DIP2A: variants seen among roughly 807,000 people sequenced by gnomAD.
DIP2A encodes the protein DIP2 acetate--CoA ligase A.
DIP2A carries 85 observed loss-of-function variants against 177.4 expected under a neutral mutation model. The ratio of observed to expected loss-of-function variants is 0.48; its 90% confidence interval spans 0.40 to 0.57. The LOEUF is 0.57. Ranked by LOEUF, DIP2A falls within the 20% of genes least tolerant of loss-of-function variation. The pLI is 0.00. For synonymous variants in DIP2A, 886 were observed against 881.8 expected, an observed-to-expected ratio of 1.00 and a Z score of -0.08; for missense variants, 1,791 against 2,100.2, an observed-to-expected ratio of 0.85 and a Z score of 2.88.
chr21:46,499,379 G>T (rs184580782), intron 5 of DIP2A, among the ~76,000 whole-genome samples: 1 of 152,264 alleles, frequency 6.6e-6, no homozygotes, highest in East Asian at 1.9e-4. Flanking sequence ...CATACCTGCT[G>T]GTGGCTGTGA....
At chr21:46,531,145 G>T (rs549807859) in intron 9 of DIP2A, among the ~76,000 whole-genome samples, 1 of 152,084 alleles carries the variant, frequency 6.6e-6, no homozygotes, top group Non-Finnish European at 1.5e-5. Context: ...AGTCCAGGGG[G>T]GGCAGCAGAG....
rs754737833 is a variant in DIP2A at position 46,509,364 on chromosome 21, G to T, written c.892G>T (p.Glu298Ter). The T allele has an allele frequency of 6.2e-7, 1 of 1,611,342 alleles. No individual in the cohort carries two copies. Among genetic ancestry groups the T allele is most frequent in the Admixed American group, 1.7e-5 (1 of 59,346 alleles). Residue 298 changes from glutamate (E) to a stop codon, truncating the protein, a stop_gained, in exon 7 of 38, where the codon GAA becomes TAA. Coordinates refer to ENST00000417564, the MANE Select transcript of DIP2A (RefSeq NM_015151.4). LOFTEE classifies it high-confidence loss of function. ...LKEFFVDDFE[E>*]LLEVQQPDPN... ...GGAGTTCTTTGTGGATGATTTTGAG[G>T]AATTGTTGGAAGGTAAGAGTTGTCC... is the stretch of plus-strand genomic sequence containing the variant.
intron 9 of DIP2A, 36 bp downstream of exon 9, chr21:46,529,219 A>G (rs2059251441): frequency 8.1e-7 from 1 of 1,236,374 alleles, no homozygotes. Flanking sequence ...TGGAAGGAGC[A>G]AAAGCAGGGA....
At chr21:46,558,606 AAC>A (rs2060556879) in intron 32 of DIP2A, 2 of 596,490 alleles carry the variant, frequency 3.4e-6, no homozygotes, top group Admixed American at 3.0e-5. Flanking sequence ...TTGGAAAAAA[AAC>A]ACATTGTTTT....
At position 46,555,583 on chromosome 21, in the gene DIP2A, A is replaced by C. The variant is rs891126092; in HGVS notation, c.3389-399A>C. ...TCATGGGGCCACGAGAACTTGATGA[A>C]GCACGCAGAACCCAGAGCCCGTCCA... is the stretch of plus-strand genomic sequence containing the variant. On this transcript the variant is annotated intron_variant, in intron 28 of 37. Coordinates refer to ENST00000417564, the MANE Select transcript of DIP2A (RefSeq NM_015151.4). The C allele has an allele frequency of 9.9e-5, 21 of 211,092 alleles. 1 individual carries two copies. The East Asian group carries it at 1.3e-3, about 13-fold the overall frequency. The allele number at this position is 211,092 out of a possible 1,614,324, so 13.1% of individuals were successfully genotyped here. A position where few individuals can be genotyped will look rare whatever the true frequency, so the allele number is the denominator to read the frequency against.
chr21:46,506,588 A>C (rs2057995462), intron 6 of DIP2A, among the ~76,000 whole-genome samples: 1 of 152,142 alleles, frequency 6.6e-6, no homozygotes, highest in African/African-American at 2.4e-5. Flanking sequence ...ATCTCATTAC[A>C]GTTTCAATTT....
chr21:46,522,092 C>T (rs1472662351), intron 8 of DIP2A, among the ~76,000 whole-genome samples: 1 of 152,130 alleles, frequency 6.6e-6, no homozygotes, highest in Non-Finnish European at 1.5e-5. Flanking sequence ...AGACCAAATG[C>T]CTAAATTTTT....
chr21:46,563,899 C>T lies in DIP2A; in HGVS notation c.4131C>T (p.Thr1377=). The T allele has an allele frequency of 6.2e-7, 1 of 1,613,782 alleles. No individual in the cohort carries two copies. Among genetic ancestry groups the T allele is most frequent in the East Asian group, 2.2e-5 (1 of 44,878 alleles). The part of the protein sequence containing the change: ...GVKVIIAHTE[T]KGPLGDSHLG... ...AGGTCATCATCGCACACACCGAGAC[C>T]AAAGGACCCTTGGGAGACTCACACC... The change falls in exon 35 of 38, where the codon ACC becomes ACT. Residue 1377 remains threonine (T), a synonymous_variant. Coordinates refer to ENST00000417564, the MANE Select transcript of DIP2A (RefSeq NM_015151.4). The surrounding 1 kb of genome is among the most constrained non-coding windows in gnomAD (Gnocchi z 4.3).
At chr21:46,482,202 C>A (rs1459168320) in intron 1 of DIP2A, among the ~76,000 whole-genome samples, 1 of 152,252 alleles carries the variant, frequency 6.6e-6, no homozygotes, top group Non-Finnish European at 1.5e-5. Flanking sequence ...TCTCTATAGA[C>A]TGCACAGACA....
chr21:46,525,270 G>C (rs569816219), intron 8 of DIP2A, among the ~76,000 whole-genome samples: 1 of 152,266 alleles, frequency 6.6e-6, no homozygotes, highest in East Asian at 1.9e-4. Flanking sequence ...GGAAAATGCT[G>C]TTGTTTTACT....
Position 46,534,055 on chromosome 21 carries a change from C to A in DIP2A, c.1481C>A (p.Pro494His). 6.2e-7 allele frequency: 1 copy of A among 1,613,820 alleles called. No homozygotes were observed. The highest frequency in any genetic ancestry group is 1.1e-5 in the South Asian group (1 of 91,058). Residue 494 changes from proline to histidine, a missense_variant, in exon 12 of 38, where the codon CCC becomes CAC. Pro to His is a moderately conservative substitution (Grantham distance 77). Coordinates refer to ENST00000417564, the MANE Select transcript of DIP2A (RefSeq NM_015151.4). ...ATTGATGGGAAGCATCTAGCCAAGC[C>A]CCCAAAGGACTGGCACCCTCTGGCC... ...LVIDGKHLAKPPKDWHPLAQD... is the reference protein window; with the variant it reads ...LVIDGKHLAKHPKDWHPLAQD...
Position 46,557,410 on chromosome 21 carries a change from C to T in DIP2A, c.3630-175C>T, listed in dbSNP as rs2060506147. 7.4e-6 allele frequency: 6 copies of T among 816,210 alleles called. No individual in the cohort carries two copies. The East Asian group carries it at 1.6e-4, about 22-fold the overall frequency. The allele number at this position is 816,210 out of a possible 1,614,324, so 50.6% of individuals were successfully genotyped here. A position where few individuals can be genotyped will look rare whatever the true frequency, so the allele number is the denominator to read the frequency against. ...GCAGAGCTCAGAACCCCGTGCCTGC[C>T]ATCCCCCAACCTTCACCCTGTGGCA... On this transcript the variant is annotated intron_variant, in intron 30 of 37. Transcript: ENST00000417564. This position sits in a 1 kb window ranked among gnomAD's most constrained non-coding sequence, Gnocchi z 6.0.
rs1257743596 is a variant in DIP2A at position 46,537,457 on chromosome 21, C to T, written c.1719C>T (p.Asn573=). ...LWHGVLTSVM[N]RMHVVSVPYA... ...GTGCTCCCCCACAGAGCGTCATGAA[C>T]AGGATGCACGTGGTCAGCGTCCCCT... The change falls in exon 15 of 38, where the codon AAC becomes AAT. Residue 573 remains asparagine, a synonymous_variant. Coordinates refer to ENST00000417564, the MANE Select transcript of DIP2A (RefSeq NM_015151.4). The surrounding 1 kb of genome is among the most constrained non-coding windows in gnomAD (Gnocchi z 4.1). The T allele has an allele frequency of 2.5e-6, 4 of 1,614,074 alleles. No homozygotes were observed. The African/African-American group carries it at 5.3e-5, about 22-fold the overall frequency.
rs1569043246 is a variant in DIP2A, at chr21:46,528,568, T to TTTTTTA, written c.1103-524_1103-523insTTTTTA. 1.2e-3 allele frequency among the ~76,000 whole-genome samples: 106 copies of TTTTTTA among 90,634 alleles called. 1 individual carries two copies. The highest frequency in any genetic ancestry group is 1.8e-3 in the Non-Finnish European group (78 of 42,830). 59.5% of individuals were successfully genotyped at this position (90,634 alleles called of 152,430 possible). A position where few individuals can be genotyped will look rare whatever the true frequency, so the allele number is the denominator to read the frequency against. ...TTTTTTTTTTTTTTTTTTTTTTTTT[T>TTTTTTA]AGATAATGTCTTTATTGCCCAGGCT... On this transcript the variant is annotated intron_variant, in intron 8 of 37. Transcript: ENST00000417564.
Position 46,556,870 on chromosome 21 carries a change from T to C in DIP2A, c.3499-69T>C. ...GTCTAGCCATGTGAACAGCGGACACTGCCATCCACCCTCTCCCCTCCTGAA... is the reference window on the plus strand; with the variant it reads ...GTCTAGCCATGTGAACAGCGGACACCGCCATCCACCCTCTCCCCTCCTGAA... On this transcript the variant is annotated intron_variant, in intron 29 of 37. Coordinates refer to ENST00000417564, the MANE Select transcript of DIP2A (RefSeq NM_015151.4). The surrounding 1 kb of genome is among the most constrained non-coding windows in gnomAD (Gnocchi z 4.5). 2.2e-6 allele frequency: 3 copies of C among 1,385,796 alleles called. No homozygotes were observed. Among genetic ancestry groups the C allele is most frequent in the Non-Finnish European group, 2.9e-6 (3 of 1,029,132 alleles). 85.8% of individuals were successfully genotyped at this position (1,385,796 alleles called of 1,614,324 possible).
At chr21:46,509,068 G>A (rs894172081) in intron 6 of DIP2A, among the ~76,000 whole-genome samples, 189 bp from the exon 7 acceptor site, 1 of 152,146 alleles carries the variant, frequency 6.6e-6, no homozygotes, top group Non-Finnish European at 1.5e-5. Flanking sequence ...AACAAGTCCT[G>A]TTTCCTGGAA....
At position 46,566,692 on chromosome 21, in the gene DIP2A, C is replaced by G. The variant is rs928565960; in HGVS notation, c.4463+9C>G. 1.2e-6 allele frequency: 2 copies of G among 1,613,884 alleles called. No homozygotes were observed. The highest frequency in any genetic ancestry group is 2.2e-5 in the East Asian group (1 of 44,894). On this transcript the variant is annotated intron_variant, in intron 37 of 37. Coordinates refer to ENST00000417564, the MANE Select transcript of DIP2A (RefSeq NM_015151.4). ...AGGAGCATCGCTGAGTGGTAAGAGC[C>G]CAGGTGGAGGGCGGCTTCACGTGGT...
rs745851148 is a variant in DIP2A at position 46,557,556 on chromosome 21, C to T, written c.3630-29C>T. Reference sequence around the variant, plus strand: ...GTGCCCAGGGTGCTGGGTGGGCGGGCGGAGCCTCACGAGCCTTCCCTCTCG... The same window carrying T: ...GTGCCCAGGGTGCTGGGTGGGCGGGTGGAGCCTCACGAGCCTTCCCTCTCG... On this transcript the variant is annotated intron_variant, in intron 30 of 37. Transcript: ENST00000417564. The surrounding 1 kb of genome is among the most constrained non-coding windows in gnomAD (Gnocchi z 6.0). 3 of 1,588,112 alleles carry T rather than the reference C, an allele frequency of 1.9e-6. No individual in the cohort carries two copies. Among genetic ancestry groups the T allele is most frequent in the African/African-American group, 1.3e-5 (1 of 74,608 alleles).
intron 1 of DIP2A, among the ~76,000 whole-genome samples, chr21:46,481,750 A>G (rs906882570): frequency 6.6e-6 from 1 of 152,216 alleles, no homozygotes; most frequent in African/African-American, 2.4e-5. Context: ...CAGAAAAAAC[A>G]ATAGGAAAAA....
Sources: allele counts gnomAD v4.1 joint callset (sites outside exome capture counted in the v4.1 genomes callset), GRCh38; gene constraint gnomAD v4.1.1; non-coding constraint Gnocchi (gnomAD v3.1); transcripts MANE v1.5; gene names NCBI Gene and HGNC (gene_info 2026-07-23, HGNC 2026-07-21).